ATRNL1: variants seen among roughly 807,000 people sequenced by gnomAD.
ATRNL1 encodes attractin-like protein 1.
ATRNL1 carries 95 observed loss-of-function variants against 182.7 expected under a neutral mutation model. The observed-to-expected ratio is 0.52, with a 90% confidence interval of 0.44 to 0.62. ATRNL1 has a LOEUF of 0.62. ATRNL1 is among the 20% of genes least tolerant of loss of function. The pLI, the probability that ATRNL1 is intolerant of heterozygous loss-of-function variation, is 0.00. For missense variants in ATRNL1, 1,471 were observed against 1,679.5 expected (o/e 0.88, Z 2.17); for synonymous variants, 576 against 568.3 (o/e 1.01, Z -0.19).
intron 17 of ATRNL1, among the ~76,000 whole-genome samples, chr10:115,304,358 C>T (rs1289516498): frequency 6.6e-6 from 1 of 152,172 alleles, no homozygotes; most frequent in Non-Finnish European, 1.5e-5. Flanking sequence ...TGAGAGGCAA[C>T]CCATTCTAGT....
chr10:115,559,137 C>T (rs1445628166), intron 26 of ATRNL1, among the ~76,000 whole-genome samples: 3 of 152,210 alleles, frequency 2.0e-5, no homozygotes, highest in Non-Finnish European at 4.4e-5. Context: ...CAACACCCTG[C>T]TCATGAAGCA....
intron 25 of ATRNL1, among the ~76,000 whole-genome samples, chr10:115,524,055 T>C (rs914100532): frequency 3.3e-5 from 5 of 152,148 alleles, no homozygotes; most frequent in Admixed American, 1.3e-4. Flanking sequence ...GGGGAGCTGG[T>C]ATGTGTAGAG....
intron 9 of ATRNL1, among the ~76,000 whole-genome samples, chr10:115,226,187 G>A (rs1271887478): frequency 1.3e-5 from 2 of 151,744 alleles, no homozygotes; most frequent in Non-Finnish European, 2.9e-5. Context: ...AAATTGTTCT[G>A]GGCCAATTGG....
intron 26 of ATRNL1, among the ~76,000 whole-genome samples, chr10:115,697,782 A>T (rs889461418): frequency 1.3e-5 from 2 of 152,176 alleles, no homozygotes; most frequent in Non-Finnish European, 2.9e-5. Flanking sequence ...TAATGCTATG[A>T]AAACAAAGCA....
At chr10:115,517,830 T>C (rs73373317) in intron 24 of ATRNL1, among the ~76,000 whole-genome samples, 4,234 of 151,926 alleles carry the variant, frequency 0.028, 227 homozygotes, top group African/African-American at 0.098. Flanking sequence ...TTGATAAGCT[T>C]CCTTTCTATG....
At chr10:115,489,322 G>C in intron 24 of ATRNL1, among the ~76,000 whole-genome samples, 1 of 152,062 alleles carries the variant, frequency 6.6e-6, no homozygotes, top group Non-Finnish European at 1.5e-5. Context: ...ATTGACAGTG[G>C]GGTGTTAAAG....
chr10:115,912,081 G>C lies in ATRNL1; in HGVS notation c.4019-32577G>C, dbSNP rs11197476. ...ACATTGGGACATCGGGAAGCATTTGGGGGGAAGAACTACAGGAGACAGGGC... is the reference window on the plus strand; with the variant it reads ...ACATTGGGACATCGGGAAGCATTTGCGGGGAAGAACTACAGGAGACAGGGC... On this transcript the variant is annotated intron_variant, in intron 28 of 28. Coordinates refer to ENST00000355044, the MANE Select transcript of ATRNL1 (RefSeq NM_207303.4). Among the ~76,000 whole-genome samples, 43 of 152,228 alleles carry C rather than the reference G, an allele frequency of 2.8e-4. No individual in the cohort carries two copies. In the East Asian group the frequency reaches 3.1e-3, roughly 11 times the overall value.
At chr10:115,424,906 A>C (rs578113938) in intron 20 of ATRNL1, among the ~76,000 whole-genome samples, 81 of 152,216 alleles carry the variant, frequency 5.3e-4, no homozygotes, top group African/African-American at 1.9e-3. Flanking sequence ...TATTTCTAAA[A>C]CTAGAAAACT....
rs1225216028 is a variant in ATRNL1 at position 115,123,754 on chromosome 10, C to T, written c.491+1942C>T. Among the ~76,000 whole-genome samples, 3 of 152,152 alleles carry T rather than the reference C, an allele frequency of 2.0e-5. No individual in the cohort carries two copies. In the East Asian group the frequency reaches 5.8e-4, roughly 29 times the overall value. The stretch of plus-strand genomic sequence containing the variant: ...GGCGGGCAAGTGAGCAAAGCTTCAT[C>T]TTTATTTACAGCTGCTCCCCACTGC... On this transcript the variant is annotated intron_variant, in intron 3 of 28. Transcript: ENST00000355044.
intron 19 of ATRNL1, among the ~76,000 whole-genome samples, chr10:115,392,082 A>G (rs1844056877): frequency 6.6e-6 from 1 of 152,182 alleles, no homozygotes; most frequent in South Asian, 2.1e-4. Context: ...TACAAGTAGT[A>G]GCATTAGAAA....
intron 14 of ATRNL1, among the ~76,000 whole-genome samples, chr10:115,284,060 C>A (rs1231983058): frequency 1.3e-5 from 2 of 152,158 alleles, no homozygotes; most frequent in Admixed American, 6.5e-5. Flanking sequence ...AATTCCATGA[C>A]AATTGGTGTA....
At chr10:115,321,394 G>C (rs1854577359) in intron 18 of ATRNL1, among the ~76,000 whole-genome samples, 1 of 152,060 alleles carries the variant, frequency 6.6e-6, no homozygotes, top group African/African-American at 2.4e-5. Flanking sequence ...TTTGTTAATT[G>C]ATTTATGGTT....
chr10:115,392,829 A>G (rs899878713), intron 19 of ATRNL1, among the ~76,000 whole-genome samples: 4 of 152,170 alleles, frequency 2.6e-5, no homozygotes, highest in Non-Finnish European at 4.4e-5. Flanking sequence ...CTTCCAGGCA[A>G]TCCTGTTGGT....
intron 26 of ATRNL1, among the ~76,000 whole-genome samples, chr10:115,601,241 C>T (rs1199259224): frequency 6.6e-6 from 1 of 151,936 alleles, no homozygotes; most frequent in Admixed American, 6.6e-5. Flanking sequence ...ATATGTAGAC[C>T]ACATACGTAG....
intron 19 of ATRNL1, among the ~76,000 whole-genome samples, chr10:115,373,230 T>G (rs978662439): frequency 2.0e-5 from 3 of 152,126 alleles, no homozygotes; most frequent in African/African-American, 7.2e-5. Context: ...CCTGGAACAT[T>G]CATGAATTTG....
At position 115,117,358 on chromosome 10, in the gene ATRNL1, A is replaced by AC. The variant is rs565592096; in HGVS notation, c.294-2824dup. Among the ~76,000 whole-genome samples, 5 of 151,756 alleles carry AC rather than the reference A, an allele frequency of 3.3e-5. No individual in the cohort carries two copies. The East Asian group carries it at 9.7e-4, about 29-fold the overall frequency. On this transcript the variant is annotated intron_variant, in intron 1 of 28. Coordinates refer to ENST00000355044, the MANE Select transcript of ATRNL1 (RefSeq NM_207303.4). ...CCTACCTCCTCCTCACTTTACCACT[A>AC]CCCTTCCCAGCCTCTGGTAACCATC...
chr10:115,622,821 G>T (rs1423824685), intron 26 of ATRNL1, among the ~76,000 whole-genome samples: 3 of 152,040 alleles, frequency 2.0e-5, no homozygotes, highest in African/African-American at 7.2e-5. Context: ...CAGCTACGTG[G>T]GAGGCTGAGG....
intron 10 of ATRNL1, among the ~76,000 whole-genome samples, chr10:115,254,346 T>C (rs1487879067): frequency 6.6e-6 from 1 of 152,254 alleles, no homozygotes; most frequent in Non-Finnish European, 1.5e-5. Flanking sequence ...TGTGAGATTG[T>C]ATCTCACTGT....
At chr10:115,167,727 T>C (rs555536997) in intron 7 of ATRNL1, among the ~76,000 whole-genome samples, 9 of 152,274 alleles carry the variant, frequency 5.9e-5, no homozygotes, top group East Asian at 3.9e-4. Context: ...AGTATTTCTA[T>C]GTATGAAAAC....
Sources: allele counts gnomAD v4.1 joint callset (sites outside exome capture counted in the v4.1 genomes callset), GRCh38; gene constraint gnomAD v4.1.1; transcripts MANE v1.5; gene names NCBI Gene and HGNC (gene_info 2026-07-23, HGNC 2026-07-21).